NXPE4: variants seen among roughly 807,000 people sequenced by gnomAD.
The protein encoded by NXPE4 is neurexophilin and PC-esterase domain family member 4.
A neutral mutation model predicts 33.3 loss-of-function variants in NXPE4; 42 were observed. The observed-to-expected ratio is 1.26, with a 90% CI of 0.98 to 1.63. The LOEUF (loss-of-function observed/expected upper bound fraction) is 1.63. Among genes scored for constraint, NXPE4 ranks in the 40% most tolerant of loss-of-function variants. The probability of loss-of-function intolerance (pLI) is 0.00; values close to 1 mark genes in which losing one functional copy is unlikely to be tolerated. For missense variants in NXPE4, 709 were observed against 647.6 expected (o/e 1.09, Z -1.03); for synonymous variants, 253 against 234.9 (o/e 1.08, Z -0.71).
chr11:114,633,566 A>T, the NXPE4 span, among the ~76,000 whole-genome samples: 1 of 151,098 alleles, frequency 6.6e-6, no homozygotes, highest in African/African-American at 2.4e-5. Flanking sequence ...GCACCCATTG[A>T]CTCGTCATTT....
At chr11:114,635,182 C>A in the NXPE4 span, among the ~76,000 whole-genome samples, 21 of 150,208 alleles carry the variant, frequency 1.4e-4, no homozygotes, top group East Asian at 3.7e-3. Context: ...TCCTTCACGT[C>A]CCTTGTAAGT....
chr11:114,581,605 G>C, intron 4 of NXPE4, 120 bp downstream of exon 4: 1 of 783,900 alleles, frequency 1.3e-6, no homozygotes. Flanking sequence ...GCCAACCTTA[G>C]ATAAGCCAGA....
upstream of NXPE4, among the ~76,000 whole-genome samples, chr11:114,598,673 G>A (rs1421960451): frequency 6.6e-6 from 1 of 151,932 alleles, no homozygotes; most frequent in Non-Finnish European, 1.5e-5. Context: ...GCCTCTTTGA[G>A]CCATGGCTGG....
the NXPE4 span, among the ~76,000 whole-genome samples, chr11:114,612,076 G>C: frequency 2.6e-5 from 4 of 151,040 alleles, no homozygotes; most frequent in Non-Finnish European, 5.9e-5. Flanking sequence ...CTCTTACATG[G>C]TGGATAATAA....
chr11:114,643,201 T>A, the NXPE4 span, among the ~76,000 whole-genome samples: 1 of 152,154 alleles, frequency 6.6e-6, no homozygotes, highest in South Asian at 2.1e-4. Flanking sequence ...TCCCATTCTG[T>A]AGGTTTCCTG....
At chr11:114,634,212 A>T in the NXPE4 span, among the ~76,000 whole-genome samples, 4 of 151,854 alleles carry the variant, frequency 2.6e-5, no homozygotes, top group Admixed American at 2.6e-4. Context: ...TCTGATGGCC[A>T]GTGATGGTGA....
chr11:114,653,861 G>C, the NXPE4 span, among the ~76,000 whole-genome samples: 3 of 152,014 alleles, frequency 2.0e-5, no homozygotes, highest in Non-Finnish European at 4.4e-5. Flanking sequence ...CCTCTAGAAA[G>C]CTCAAGATTC....
At chr11:114,590,737 G>A (rs1949430678) in intron 2 of NXPE4, among the ~76,000 whole-genome samples, 2 of 152,224 alleles carry the variant, frequency 1.3e-5, no homozygotes, top group African/African-American at 4.8e-5. Context: ...TGCAGGTAAA[G>A]GATGGCCAGC....
At chr11:114,656,122 C>T in the NXPE4 span, among the ~76,000 whole-genome samples, 12 of 152,128 alleles carry the variant, frequency 7.9e-5, 1 homozygote, top group South Asian at 1.9e-3. Context: ...ATAAGTATTC[C>T]TTTTCACCAA....
chr11:114,678,241 A>G, the NXPE4 span: 2 of 174,570 alleles, frequency 1.1e-5, no homozygotes, highest in African/African-American at 2.4e-5. Context: ...TGAAAACCAT[A>G]CAAAGGCATG....
chr11:114,638,858 G>A, the NXPE4 span, among the ~76,000 whole-genome samples: 1 of 151,944 alleles, frequency 6.6e-6, no homozygotes, highest in South Asian at 2.1e-4. Context: ...GCCGTGTGAG[G>A]TGTCAGTCTG....
chr11:114,651,448 G>A, the NXPE4 span, among the ~76,000 whole-genome samples: 3 of 152,170 alleles, frequency 2.0e-5, no homozygotes, highest in Non-Finnish European at 4.4e-5. Context: ...GCTCATAAAG[G>A]TAGTGTGGAC....
chr11:114,651,813 T>C, the NXPE4 span, among the ~76,000 whole-genome samples: 3 of 152,178 alleles, frequency 2.0e-5, no homozygotes, highest in African/African-American at 7.2e-5. Flanking sequence ...TGCTGATTGG[T>C]GCATTTACAA....
At chr11:114,646,446 A>G in the NXPE4 span, among the ~76,000 whole-genome samples, 1 of 151,996 alleles carries the variant, frequency 6.6e-6, no homozygotes, top group African/African-American at 2.4e-5. Context: ...TTATGAAAAC[A>G]TTCTTGTATT....
At chr11:114,624,196 G>A in the NXPE4 span, among the ~76,000 whole-genome samples, 1 of 151,928 alleles carries the variant, frequency 6.6e-6, no homozygotes, top group Non-Finnish European at 1.5e-5. Context: ...TTGCCTCTAG[G>A]GTAACCACTG....
chr11:114,612,510 C>A, the NXPE4 span, among the ~76,000 whole-genome samples: 1 of 151,150 alleles, frequency 6.6e-6, no homozygotes, highest in Non-Finnish European at 1.5e-5. Flanking sequence ...ATAAGTGTTT[C>A]CTCGGGGGTA....
chr11:114,610,496 A>G, the NXPE4 span, among the ~76,000 whole-genome samples: 1 of 151,846 alleles, frequency 6.6e-6, no homozygotes, highest in Non-Finnish European at 1.5e-5. Flanking sequence ...CCCAGTGGAT[A>G]ATAAGTGTTG....
the NXPE4 span, among the ~76,000 whole-genome samples, chr11:114,627,988 G>A: frequency 6.6e-6 from 1 of 151,822 alleles, no homozygotes; most frequent in African/African-American, 2.4e-5. Context: ...AATATATATG[G>A]ACCCAACACA....
At chr11:114,594,601 G>T in intron 2 of NXPE4, 63 bp downstream of exon 2, 2 of 1,052,612 alleles carry the variant, frequency 1.9e-6, no homozygotes, top group South Asian at 1.3e-5. Flanking sequence ...GCCTTTCCTA[G>T]AACAGATGAG....
Sources: allele counts gnomAD v4.1 joint callset (sites outside exome capture counted in the v4.1 genomes callset), GRCh38; gene constraint gnomAD v4.1.1; transcripts MANE v1.5; gene names NCBI Gene and HGNC (gene_info 2026-07-23, HGNC 2026-07-21).